ZNF248: variants seen among roughly 807,000 people sequenced by gnomAD.
The protein encoded by ZNF248 is KRAB protein domain.
Under a neutral mutation model 44.3 loss-of-function variants are expected in ZNF248, and 20 were observed. The observed-to-expected ratio is 0.45, with a 90% CI of 0.32 to 0.66. The LOEUF is 0.66. ZNF248 is among the 30% of genes least tolerant of loss of function. ZNF248 has a pLI of 0.04. For synonymous variants in ZNF248, 224 were observed against 229.0 expected (o/e 0.98, Z 0.20); for missense variants, 654 against 677.0 (o/e 0.97, Z 0.38).
intron 6 of ZNF248, among the ~76,000 whole-genome samples, chr10:37,778,492 T>A (rs1440072714): frequency 3.3e-5 from 5 of 151,912 alleles, no homozygotes; most frequent in Admixed American, 3.3e-4. Flanking sequence ...AGGTTGCCTG[T>A]TCACTCTGAT....
At chr10:37,789,728 T>G (rs548388734) in intron 6 of ZNF248, among the ~76,000 whole-genome samples, 7 of 152,310 alleles carry the variant, frequency 4.6e-5, no homozygotes, top group Non-Finnish European at 5.9e-5. Context: ...CTGTGTTGAC[T>G]GAGAAGCCTA....
chr10:37,792,580 CCT>C (rs1366033114), intron 6 of ZNF248, among the ~76,000 whole-genome samples: 2 of 152,144 alleles, frequency 1.3e-5, no homozygotes, highest in African/African-American at 4.8e-5. Context: ...ACAGACACCA[CCT>C]TAATCAAGTG....
At chr10:37,806,009 T>A (rs2050505942) in intron 6 of ZNF248, among the ~76,000 whole-genome samples, 1 of 152,150 alleles carries the variant, frequency 6.6e-6, no homozygotes, top group Non-Finnish European at 1.5e-5. Flanking sequence ...TTTCTAGGAG[T>A]AGAATTGTTG....
chr10:37,821,818 TA>T (rs1268581727), intron 6 of ZNF248, among the ~76,000 whole-genome samples: 1 of 152,216 alleles, frequency 6.6e-6, no homozygotes, highest in Non-Finnish European at 1.5e-5. Context: ...CCATCTACTA[TA>T]AGCTAATCTC....
intron 6 of ZNF248, among the ~76,000 whole-genome samples, chr10:37,780,771 G>A (rs2047204974): frequency 6.6e-6 from 1 of 152,132 alleles, no homozygotes; most frequent in African/African-American, 2.4e-5. Flanking sequence ...CCCCGCCCCC[G>A]CTCCCACTGC....
intron 6 of ZNF248, among the ~76,000 whole-genome samples, chr10:37,805,404 GGT>G (rs2050409172): frequency 6.6e-6 from 1 of 152,126 alleles, no homozygotes; most frequent in Admixed American, 6.5e-5. Context: ...ATTTAAAGCA[GGT>G]TATCAGAAAT....
intron 6 of ZNF248, chr10:37,776,592 A>G (rs1241958744): frequency 7.5e-6 from 3 of 398,268 alleles, no homozygotes; most frequent in Non-Finnish European, 1.3e-5. Flanking sequence ...GGACAAAATC[A>G]TTTTACTCAG....
chr10:37,816,546 C>G (rs1249581992), intron 6 of ZNF248, among the ~76,000 whole-genome samples: 2 of 152,120 alleles, frequency 1.3e-5, no homozygotes, highest in Non-Finnish European at 2.9e-5. Context: ...ACAAGGGGGG[C>G]CTATTATTAG....
chr10:37,775,824 G>T (rs184639081), downstream of ZNF248, among the ~76,000 whole-genome samples: 5 of 152,302 alleles, frequency 3.3e-5, no homozygotes, highest in African/African-American at 1.2e-4. Flanking sequence ...AATGGTGGGA[G>T]TGCTTTGGGG....
At chr10:37,819,176 T>C (rs1284156098) in intron 6 of ZNF248, 18 of 790,184 alleles carry the variant, frequency 2.3e-5, no homozygotes, top group Middle Eastern at 2.7e-4. Context: ...TTTTATTTTA[T>C]TTAAGTACTT....
At chr10:37,823,584 T>C (rs529665367) in intron 6 of ZNF248, among the ~76,000 whole-genome samples, 1 of 152,090 alleles carries the variant, frequency 6.6e-6, no homozygotes, top group South Asian at 2.1e-4. Context: ...ATTTTTTGGT[T>C]GTTTTTTGAG....
In ZNF248 at chr10:37,856,276, T is replaced by C; in HGVS notation, c.15+20A>G. 1 of 1,612,054 alleles carries C rather than the reference T, an allele frequency of 6.2e-7. No homozygotes were observed. Among genetic ancestry groups the C allele is most frequent in the South Asian group, 1.1e-5 (1 of 90,930 alleles). On this transcript the variant is annotated intron_variant, in intron 3 of 5. Transcript: ENST00000395867. ...AATCCATTTTTAAACAAACTGGGAA[T>C]AAAGAAACAAGAATCTCACCTGGGA...
intron 3 of ZNF248, among the ~76,000 whole-genome samples, chr10:37,854,574 T>A (rs1228744579): frequency 6.6e-6 from 1 of 152,192 alleles, no homozygotes; most frequent in African/African-American, 2.4e-5. Flanking sequence ...GAACCACATA[T>A]TCTATGGGAG....
intron 6 of ZNF248, among the ~76,000 whole-genome samples, chr10:37,811,677 A>T (rs1022680906): frequency 6.9e-6 from 1 of 144,134 alleles, no homozygotes; most frequent in Non-Finnish European, 1.5e-5. Context: ...TCTACAAAAA[A>T]AAAAATATAT....
At chr10:37,771,617 A>C (rs2046233371), downstream of ZNF248, among the ~76,000 whole-genome samples, 1 of 104,638 alleles carries the variant, frequency 9.6e-6, no homozygotes, top group South Asian at 3.7e-4. Flanking sequence ...CACTCCGCGG[A>C]CTGTTGTGGG....
chr10:37,820,464 G>A, intron 6 of ZNF248: 2 of 1,592,208 alleles, frequency 1.3e-6, no homozygotes, highest in Non-Finnish European at 1.7e-6. Flanking sequence ...AAACCACAGA[G>A]GGGCTGTTCT....
chr10:37,790,741 T>A (rs7895203), intron 6 of ZNF248, among the ~76,000 whole-genome samples: 53,749 of 149,262 alleles, frequency 0.36, 9,964 homozygotes, highest in East Asian at 0.5. Context: ...AATAATTTTT[T>A]AAAAAAATAA....
At chr10:37,793,882 AAT>A (rs1358114808) in intron 6 of ZNF248, among the ~76,000 whole-genome samples, 14 of 152,268 alleles carry the variant, frequency 9.2e-5, no homozygotes, top group Admixed American at 2.0e-4. Context: ...ATTTCTTTTT[AAT>A]ATGTTTTTCC....
chr10:37,784,708 TC>T (rs1308299035), intron 6 of ZNF248, among the ~76,000 whole-genome samples: 2 of 152,170 alleles, frequency 1.3e-5, no homozygotes, highest in Non-Finnish European at 2.9e-5. Flanking sequence ...CTGCCCTCTG[TC>T]ACAGTGTAGT....
Sources: allele counts gnomAD v4.1 joint callset (sites outside exome capture counted in the v4.1 genomes callset), GRCh38; gene constraint gnomAD v4.1.1; transcripts MANE v1.5; gene names NCBI Gene and HGNC (gene_info 2026-07-23, HGNC 2026-07-21).